Variants in CPNE9 observed in about 807,000 individuals in gnomAD.
CPNE9 encodes copine-9.
In CPNE9, 59 loss-of-function variants were observed where a neutral mutation model predicts 83.0. That is an observed-to-expected ratio of 0.71 (90% CI 0.58 to 0.88). The LOEUF is 0.88. Ranked by LOEUF, CPNE9 falls within the 40% of genes least tolerant of loss-of-function variation. The pLI, the probability that CPNE9 is intolerant of heterozygous loss-of-function variation, is 0.00. For missense variants in CPNE9, 619 were observed against 720.8 expected (o/e 0.86, Z 1.62); for synonymous variants, 256 against 273.4 (o/e 0.94, Z 0.63).
intron 17 of CPNE9, among the ~76,000 whole-genome samples, chr3:9,723,465 C>T (rs2076751132): frequency 6.6e-6 from 1 of 151,676 alleles, no homozygotes; most frequent in African/African-American, 2.4e-5. Flanking sequence ...GAGCGAGACT[C>T]TGTCTCAAAA....
chr3:9,726,902 A>G (rs144613761), intron 19 of CPNE9, among the ~76,000 whole-genome samples, 180 bp downstream of exon 19: 179 of 152,282 alleles, frequency 1.2e-3, no homozygotes, highest in African/African-American at 4.1e-3. Context: ...TGATGATACT[A>G]ATACTTCCCT....
chr3:9,712,769 G>A lies in CPNE9; in HGVS notation c.486G>A (p.Lys162=), dbSNP rs1184610450. The change falls in exon 9 of 21, where the codon AAG becomes AAA. Residue 162 remains lysine, a synonymous_variant. Transcript: ENST00000383832. ...TGTGTGCAAACAAGCTGGACAAGAA[G>A]GACTTCTTTGGGAAATCAGACCCCT... ...MQLCANKLDK[K]DFFGKSDPFL... 5.6e-6 allele frequency: 9 copies of A among 1,614,016 alleles called. No individual in the cohort carries two copies. The highest frequency in any genetic ancestry group is 1.7e-5 in the Admixed American group (1 of 59,996).
intron 17 of CPNE9, among the ~76,000 whole-genome samples, chr3:9,721,945 G>A (rs1446686334): frequency 6.6e-6 from 1 of 151,072 alleles, no homozygotes; most frequent in East Asian, 1.9e-4. Context: ...TTGAGATGGA[G>A]TCTTACTCTG....
intron 7 of CPNE9, among the ~76,000 whole-genome samples, chr3:9,709,415 G>A (rs1291662212): frequency 6.8e-6 from 1 of 147,112 alleles, no homozygotes; most frequent in African/African-American, 2.5e-5. Context: ...CCAGGCTGGA[G>A]TGCAGTGGTG....
At chr3:9,725,020 G>T (rs2076765137) in intron 17 of CPNE9, among the ~76,000 whole-genome samples, 1 of 151,952 alleles carries the variant, frequency 6.6e-6, no homozygotes, top group East Asian at 1.9e-4. Flanking sequence ...GCCTCCCAAA[G>T]TGCTGGGATT....
intron 14 of CPNE9, among the ~76,000 whole-genome samples, chr3:9,716,250 T>G (rs1450967566): frequency 6.6e-6 from 1 of 152,164 alleles, no homozygotes; most frequent in East Asian, 1.9e-4. Context: ...AGCTTTCGAC[T>G]CCTCCTGGGA....
In CPNE9 at chr3:9,713,074, T is replaced by A. The variant is rs747853075; in HGVS notation, c.645T>A (p.Tyr215Ter). Reference sequence around the variant, plus strand: ...TGCGGGCTCTGTGCAATGGAGACTATGACAGGTTGGCTCCAGCATAAGCTG... The same window carrying A: ...TGCGGGCTCTGTGCAATGGAGACTAAGACAGGTTGGCTCCAGCATAAGCTG... ...IPVRALCNGD[Y>*]DRTVKIDVYD... The change falls in exon 10 of 21, where the codon TAT (tyrosine) becomes TAA (stop). Residue 215 changes from tyrosine (Y) to a stop codon, truncating the protein, a stop_gained. Transcript: ENST00000383832. LOFTEE classifies it high-confidence loss of function. 9.9e-6 allele frequency: 16 copies of A among 1,612,526 alleles called. No individual in the cohort carries two copies. Among genetic ancestry groups the A allele is most frequent in the African/African-American group, 4.0e-5 (3 of 74,914 alleles).
intron 17 of CPNE9, among the ~76,000 whole-genome samples, chr3:9,722,962 C>T (rs538547562): frequency 6.6e-6 from 1 of 152,332 alleles, no homozygotes; most frequent in East Asian, 1.9e-4. Flanking sequence ...ATGTTACATC[C>T]TCAAAGCCCT....
In CPNE9 at chr3:9,704,691, G is replaced by A; in HGVS notation, c.110-58G>A. On this transcript the variant is annotated intron_variant, in intron 2 of 20. Coordinates refer to ENST00000383832, the MANE Select transcript of CPNE9 (RefSeq NM_153635.3). The surrounding 1 kb of genome is among the most constrained non-coding windows in gnomAD (Gnocchi z 7.1). ...TGGGCGCGACTCAGGGGCGGGTGGA[G>A]TCGGGGCCAGGGGTGGGAGCCGACC... is the stretch of plus-strand genomic sequence containing the variant. The A allele has an allele frequency of 6.2e-7, 1 of 1,611,190 alleles. No individual in the cohort carries two copies. Among genetic ancestry groups the A allele is most frequent in the Non-Finnish European group, 8.5e-7 (1 of 1,177,712 alleles).
rs762937112 is a variant in CPNE9 at position 9,718,030 on chromosome 3, G to T, written c.933G>T (p.Gly311=). 3.7e-6 allele frequency: 6 copies of T among 1,604,258 alleles called. No individual in the cohort carries two copies. Among genetic ancestry groups the T allele is most frequent in the Non-Finnish European group, 5.1e-6 (6 of 1,174,942 alleles). Residue 311 remains glycine (G), a splice_region_variant and synonymous_variant, in exon 16 of 21, where the codon GGG becomes GGT. Coordinates refer to ENST00000383832, the MANE Select transcript of CPNE9 (RefSeq NM_153635.3). The part of the protein sequence containing the change: ...TVAIDFTASN[G]NPLQPTSLHY... The stretch of plus-strand genomic sequence containing the variant: ...GCTGGGGTTCCTGTGTCCCTACAGG[G>T]AATCCTCTGCAGCCTACCTCCCTGC...
rs67169262 is a variant in CPNE9 at position 9,711,376 on chromosome 3, C to CT, written c.378-1153dup. Among the ~76,000 whole-genome samples, 505 of 144,922 alleles carry CT rather than the reference C, an allele frequency of 3.5e-3. 2 individuals are homozygous for CT. Among genetic ancestry groups the CT allele is most frequent in the South Asian group, 4.7e-3 (21 of 4,512 alleles). ...CGCCACCACGCCCAGCTAATTTTTT[C>CT]TTTTTTTTTTTTGCAGTTTTAGAAG... On this transcript the variant is annotated intron_variant, in intron 7 of 20. Coordinates refer to ENST00000383832, the MANE Select transcript of CPNE9 (RefSeq NM_153635.3).
chr3:9,728,726 G>T (rs1363501288), intron 20 of CPNE9, among the ~76,000 whole-genome samples: 1 of 151,906 alleles, frequency 6.6e-6, no homozygotes, highest in African/African-American at 2.4e-5. Flanking sequence ...ATTTTCTTTT[G>T]TTTTTTTTCT....
At chr3:9,713,102 G>A (rs2076646102) in intron 10 of CPNE9, 23 bp downstream of exon 10, 1 of 1,570,800 alleles carries the variant, frequency 6.4e-7, no homozygotes, top group Non-Finnish European at 8.8e-7. Flanking sequence ...ATAAGCTGGG[G>A]AGTAAGGAGC....
intron 17 of CPNE9, among the ~76,000 whole-genome samples, chr3:9,719,599 T>C (rs2076716841): frequency 6.6e-6 from 1 of 152,208 alleles, no homozygotes; most frequent in Non-Finnish European, 1.5e-5. Context: ...AATTAGATAA[T>C]AGTGTAACAA....
intron 14 of CPNE9, 21 bp from the exon 15 acceptor site, chr3:9,717,037 A>G (rs1420862790): frequency 1.2e-6 from 2 of 1,613,602 alleles, no homozygotes; most frequent in Admixed American, 1.7e-5. Context: ...TCACTTCTCA[A>G]TTCATCTGCT....
chr3:9,727,377 G>A lies in CPNE9; in HGVS notation c.1476+191G>A, dbSNP rs183027210. On this transcript the variant is annotated intron_variant, in intron 20 of 20. Transcript: ENST00000383832. The stretch of plus-strand genomic sequence containing the variant: ...TTGCTGCAGCCTTGGCACATCCGTG[G>A]TGTAGGTCGGGAGGTCCCCAAGGCC... The A allele has an allele frequency of 3.2e-5, 24 of 749,638 alleles. No homozygotes were observed. The Admixed American group carries it at 4.8e-4, about 15-fold the overall frequency. 46.4% of individuals were successfully genotyped at this position (749,638 alleles called of 1,614,324 possible).
In CPNE9 at chr3:9,727,163, T is replaced by A. The variant is rs751932871; in HGVS notation, c.1453T>A (p.Tyr485Asn). ...TGTGCGCGTGTCCTCTAGGGGACGC[T>A]ACGCAGAGCGGGACATCGTTCAGGT... ...DDVRVSSRGR[Y>N]AERDIVQFVP... Residue 485 changes from tyrosine to asparagine, a missense_variant, in exon 20 of 21, where the codon TAC (tyrosine) becomes AAC (asparagine). Tyr to Asn is a moderately radical substitution (Grantham distance 143). Transcript: ENST00000383832. 6 of 1,614,156 alleles carry A rather than the reference T, an allele frequency of 3.7e-6. No individual in the cohort carries two copies. In the Admixed American group the frequency reaches 1.0e-4, roughly 27 times the overall value.
intron 7 of CPNE9, among the ~76,000 whole-genome samples, chr3:9,708,793 C>A (rs992067459): frequency 1.3e-5 from 2 of 151,858 alleles, no homozygotes; most frequent in Admixed American, 1.3e-4. Flanking sequence ...CCACCATGCC[C>A]GGCTAATTTT....
At chr3:9,712,849 C>A in intron 9 of CPNE9, 21 bp downstream of exon 9, 1 of 1,603,412 alleles carries the variant, frequency 6.2e-7, no homozygotes, top group Non-Finnish European at 8.5e-7. Context: ...GCCATCAGGG[C>A]TGTTAGGCTG....
Sources: gnomAD v4.1 joint callset for allele counts (sites outside exome capture counted in the v4.1 genomes callset) on GRCh38, gnomAD v4.1.1 for gene constraint, Gnocchi (gnomAD v3.1) non-coding constraint, MANE v1.5 for transcripts, NCBI Gene and HGNC (gene_info 2026-07-23, HGNC 2026-07-21) for gene names.